The following DNAH14 variants were observed in gnomAD, a reference collection of about 807,000 sequenced individuals.
DNAH14 encodes the protein axonemal beta dynein heavy chain 14.
A neutral mutation model predicts 520.9 loss-of-function variants in DNAH14; 478 were observed. That is an observed-to-expected ratio of 0.92 (90% CI 0.85 to 0.99). DNAH14 has a LOEUF of 0.99. Among genes scored for constraint, DNAH14 ranks in the 50% least tolerant of loss-of-function variants. DNAH14 has a pLI of 0.00. For synonymous variants in DNAH14, 1,581 were observed against 1,757.2 expected, an observed-to-expected ratio of 0.90 and a Z score of 2.51; for missense variants, 4,831 against 5,234.5, an observed-to-expected ratio of 0.92 and a Z score of 2.38.
chr1:225,343,679 T>G (rs1385140629), intron 69 of DNAH14, among the ~76,000 whole-genome samples: 2 of 152,192 alleles, frequency 1.3e-5, no homozygotes, highest in African/African-American at 4.8e-5. Flanking sequence ...GGACCTGACT[T>G]TATTCCTTTT....
At chr1:225,251,372 C>T (rs1013750146) in intron 43 of DNAH14, among the ~76,000 whole-genome samples, 1 of 152,036 alleles carries the variant, frequency 6.6e-6, no homozygotes, top group Non-Finnish European at 1.5e-5. Flanking sequence ...CGGGGTTGCA[C>T]CATGTTGGCC....
At chr1:225,272,416 T>C (rs1052204140) in intron 51 of DNAH14, among the ~76,000 whole-genome samples, 1 of 152,234 alleles carries the variant, frequency 6.6e-6, no homozygotes, top group Non-Finnish European at 1.5e-5. Flanking sequence ...TAAACATGCT[T>C]GAATTTTAAC....
chr1:225,389,410 A>G (rs1398942491), intron 82 of DNAH14, among the ~76,000 whole-genome samples: 2 of 152,248 alleles, frequency 1.3e-5, no homozygotes, highest in Non-Finnish European at 2.9e-5. Flanking sequence ...CAGACATCTG[A>G]CCCACATTTC....
intron 7 of DNAH14, among the ~76,000 whole-genome samples, chr1:224,973,045 C>T (rs1218196005): frequency 2.0e-5 from 3 of 152,166 alleles, no homozygotes; most frequent in Admixed American, 6.5e-5. Context: ...GATACCATGA[C>T]TCTATGGATT....
chr1:224,965,514 T>TA (rs1285269784), intron 5 of DNAH14, among the ~76,000 whole-genome samples: 2 of 152,064 alleles, frequency 1.3e-5, no homozygotes, highest in African/African-American at 4.8e-5. Context: ...CATTGATAGA[T>TA]AATACATATA....
chr1:225,386,282 A>G (rs2150793855), intron 81 of DNAH14, among the ~76,000 whole-genome samples: 1 of 152,360 alleles, frequency 6.6e-6, no homozygotes, highest in East Asian at 1.9e-4. Flanking sequence ...AAACTCTAGA[A>G]GAAAACCTAG....
At chr1:224,964,648 CAA>C in intron 5 of DNAH14, 39 bp downstream of exon 5, 1 of 1,408,324 alleles carries the variant, frequency 7.1e-7, no homozygotes, top group South Asian at 1.6e-5. Flanking sequence ...CTTTAAAAAT[CAA>C]TATTGAAATT....
intron 71 of DNAH14, 94 bp downstream of exon 71, chr1:225,346,748 A>G: frequency 1.1e-6 from 1 of 946,634 alleles, no homozygotes; most frequent in Non-Finnish European, 1.5e-6. Flanking sequence ...TCTATAATTG[A>G]TTAAAGTAAA....
intron 41 of DNAH14, among the ~76,000 whole-genome samples, chr1:225,221,869 G>A (rs1020093786): frequency 2.6e-5 from 4 of 152,186 alleles, no homozygotes; most frequent in African/African-American, 4.8e-5. Flanking sequence ...ACCTTTGATC[G>A]TTTGCACACA....
At chr1:225,266,877 C>G (rs1211475273) in intron 49 of DNAH14, 108 bp downstream of exon 49, 1 of 1,088,964 alleles carries the variant, frequency 9.2e-7, no homozygotes. Context: ...GAAATTCTGG[C>G]CATATGGACA....
chr1:225,242,199 A>C (rs1339776033), intron 43 of DNAH14, among the ~76,000 whole-genome samples: 10 of 152,000 alleles, frequency 6.6e-5, no homozygotes, highest in Admixed American at 6.6e-4. Context: ...GTGCTCCTGT[A>C]CTCCAGCCTG....
intron 43 of DNAH14, among the ~76,000 whole-genome samples, chr1:225,248,234 A>G (rs909721899): frequency 6.6e-6 from 1 of 152,206 alleles, no homozygotes; most frequent in Non-Finnish European, 1.5e-5. Context: ...TAAAGGATGT[A>G]CTTCAGCAAG....
chr1:225,303,413 A>G, intron 57 of DNAH14, 66 bp downstream of exon 57: 1 of 1,401,460 alleles, frequency 7.1e-7, no homozygotes, highest in Non-Finnish European at 9.6e-7. Flanking sequence ...ATGCCTCTGA[A>G]GAGCAACAAA....
At chr1:224,984,175 G>C (rs769881680) in intron 8 of DNAH14, among the ~76,000 whole-genome samples, 2 of 152,162 alleles carry the variant, frequency 1.3e-5, no homozygotes, top group Admixed American at 1.3e-4. Context: ...AAACAGCATG[G>C]TACTGGTATA....
intron 55 of DNAH14, among the ~76,000 whole-genome samples, chr1:225,293,063 AT>A (rs2093928477): frequency 6.6e-6 from 1 of 152,204 alleles, no homozygotes; most frequent in Non-Finnish European, 1.5e-5. Context: ...CAACAATTAT[AT>A]GTTAAAAAGC....
At chr1:225,335,028 A>C (rs2094889714) in intron 66 of DNAH14, among the ~76,000 whole-genome samples, 1 of 149,094 alleles carries the variant, frequency 6.7e-6, no homozygotes, top group African/African-American at 2.5e-5. Flanking sequence ...GTATATATAC[A>C]TACATATATA....
rs183065684 is a variant in DNAH14, at chr1:225,185,625, A to G, written c.5670+200A>G. Among the ~76,000 whole-genome samples, 437 of 152,054 alleles carry G rather than the reference A, an allele frequency of 2.9e-3. 1 individual carries two copies. The highest frequency in any genetic ancestry group is 6.8e-3 in the Middle Eastern group (2 of 292). On this transcript the variant is annotated intron_variant, in intron 37 of 85. Transcript: ENST00000682510. ...ATTACTAGTTTAAAGAAACTATTGT[A>G]TATTTATTTTGTATCTAGGCATCTT...
chr1:225,292,141 G>A (rs2150009803), intron 55 of DNAH14, among the ~76,000 whole-genome samples: 1 of 152,142 alleles, frequency 6.6e-6, no homozygotes, highest in South Asian at 2.1e-4. Context: ...TTTGTTGCCT[G>A]TGCTTTTGAG....
At chr1:224,994,343 A>T (rs1356529862) in intron 8 of DNAH14, among the ~76,000 whole-genome samples, 1 of 151,992 alleles carries the variant, frequency 6.6e-6, no homozygotes. Flanking sequence ...TTTGCTTGAT[A>T]TATTTAAGGT....
Sources: gnomAD v4.1 joint callset for allele counts (sites outside exome capture counted in the v4.1 genomes callset) on GRCh38, gnomAD v4.1.1 for gene constraint, MANE v1.5 for transcripts, NCBI Gene and HGNC (gene_info 2026-07-23, HGNC 2026-07-21) for gene names.